The following TENM2 variants were observed in gnomAD, a reference collection of about 807,000 sequenced individuals.
TENM2 encodes the protein teneurin-2.
In TENM2, 52 loss-of-function variants were observed where a neutral mutation model predicts 245.2. The observed-to-expected ratio is 0.21, with a 90% CI of 0.17 to 0.27. The LOEUF (loss-of-function observed/expected upper bound fraction) is 0.27, where lower values mean the gene tolerates loss of function less well. TENM2 is among the 10% of genes least tolerant of loss of function. The pLI, the probability that TENM2 is intolerant of heterozygous loss-of-function variation, is 1.00. For synonymous variants in TENM2, 1,363 were observed against 1,438.9 expected, an observed-to-expected ratio of 0.95 and a Z score of 1.19; for missense variants, 3,046 against 3,666.8, an observed-to-expected ratio of 0.83 and a Z score of 4.37.
Position 167,993,230 on chromosome 5 carries a change from G to T in TENM2, c.1186+48G>T. On this transcript the variant is annotated intron_variant, in intron 5 of 28. Coordinates refer to ENST00000518659, the Ensembl canonical transcript of TENM2. ...AGCAACGCTGGGGATGACAACATGA[G>T]GGGAGAGGCCATGGACTTGTGAATC... The T allele has an allele frequency of 2.0e-6, 3 of 1,483,568 alleles. No homozygotes were observed. The South Asian group carries it at 3.5e-5, about 17-fold the overall frequency. 91.9% of individuals were successfully genotyped at this position (1,483,568 alleles called of 1,614,324 possible).
Position 168,038,703 on chromosome 5 carries a change from G to A in TENM2, c.1187-8724G>A, listed in dbSNP as rs560623664. Among the ~76,000 whole-genome samples the A allele has an allele frequency of 2.0e-5, 3 of 152,316 alleles. No homozygotes were observed. The East Asian group carries it at 5.8e-4, about 29-fold the overall frequency. ...ATAGTTGTGCAGAAATGTGAACCCT[G>A]ATTGACATGAACCTGGCATATATAT... On this transcript the variant is annotated intron_variant, in intron 5 of 28. Coordinates refer to ENST00000518659, the Ensembl canonical transcript of TENM2.
exon 16 of TENM2, chr5:168,198,958 C>T (rs539163646): frequency 2.5e-5 from 41 of 1,614,036 alleles, no homozygotes; most frequent in Middle Eastern, 1.6e-4. Flanking sequence ...ACAGCTTTTA[C>T]GCCATGGACA....
At chr5:167,963,766 ATCT>A (rs1166854019) in intron 4 of TENM2, among the ~76,000 whole-genome samples, 1 of 150,928 alleles carries the variant, frequency 6.6e-6, no homozygotes, top group Admixed American at 6.6e-5. Context: ...AGCATGTTAG[ATCT>A]TCTCTGAACT....
At chr5:167,189,711 G>A in the TENM2 span, among the ~76,000 whole-genome samples, 1 of 152,016 alleles carries the variant, frequency 6.6e-6, no homozygotes, top group East Asian at 1.9e-4. Flanking sequence ...TATGATTATA[G>A]GTGCCAGCCA....
exon 12 of TENM2, chr5:168,126,813 G>A: frequency 6.2e-7 from 1 of 1,613,498 alleles, no homozygotes; most frequent in South Asian, 1.1e-5. Context: ...CTGCCGCTGT[G>A]AAGAGGGCTG....
exon 7 of TENM2, chr5:168,062,107 G>A: frequency 1.2e-6 from 2 of 1,612,782 alleles, no homozygotes; most frequent in Non-Finnish European, 1.7e-6. Context: ...TGAAGCAGAA[G>A]TTGGTCGGCG....
At chr5:167,482,101 C>G (rs964959322) in intron 2 of TENM2, among the ~76,000 whole-genome samples, 1 of 152,132 alleles carries the variant, frequency 6.6e-6, no homozygotes, top group Non-Finnish European at 1.5e-5. Flanking sequence ...TTACAAAAGT[C>G]ATATGTACAA....
the TENM2 span, among the ~76,000 whole-genome samples, chr5:167,070,284 AT>A: frequency 1.7e-3 from 166 of 99,346 alleles, no homozygotes; most frequent in Middle Eastern, 0.012. Context: ...CGCCCGGCTA[AT>A]TTTTTTTTTT....
At chr5:168,201,349 T>C (rs1163497483) in intron 17 of TENM2, among the ~76,000 whole-genome samples, 1 of 151,928 alleles carries the variant, frequency 6.6e-6, no homozygotes, top group African/African-American at 2.4e-5. Flanking sequence ...TGCACATATA[T>C]ATACATATAC....
At chr5:167,173,835 A>T in the TENM2 span, among the ~76,000 whole-genome samples, 2 of 152,038 alleles carry the variant, frequency 1.3e-5, no homozygotes, top group African/African-American at 4.8e-5. Flanking sequence ...TAATATCGCA[A>T]TGGGAGGTTT....
chr5:167,098,462 C>T, the TENM2 span, among the ~76,000 whole-genome samples: 1 of 152,186 alleles, frequency 6.6e-6, no homozygotes, highest in Non-Finnish European at 1.5e-5. Flanking sequence ...AGATTTGGGT[C>T]CTACACCCTG....
At chr5:167,077,577 C>T in the TENM2 span, among the ~76,000 whole-genome samples, 1 of 152,112 alleles carries the variant, frequency 6.6e-6, no homozygotes, top group Non-Finnish European at 1.5e-5. Flanking sequence ...AGAATATGAT[C>T]GGATAAGCCA....
the TENM2 span, among the ~76,000 whole-genome samples, chr5:167,144,036 A>G: frequency 6.6e-6 from 1 of 152,164 alleles, no homozygotes; most frequent in African/African-American, 2.4e-5. Flanking sequence ...GCTGTGCTGT[A>G]TTCACATTGA....
rs377371905 is a variant in TENM2, at chr5:168,051,077, T to C, written c.1309+3528T>C. 1.6e-4 allele frequency among the ~76,000 whole-genome samples: 25 copies of C among 152,336 alleles called. No homozygotes were observed. In the South Asian group the frequency reaches 3.1e-3, roughly 19 times the overall value. On this transcript the variant is annotated intron_variant, in intron 6 of 28. Transcript: ENST00000518659. ...AATACAGTATTCTGACCTGGTCAGA[T>C]AACATAAGGGAATTCAGTTTGATTG...
At chr5:167,877,541 G>T (rs536566398) in intron 3 of TENM2, among the ~76,000 whole-genome samples, 1 of 152,288 alleles carries the variant, frequency 6.6e-6, no homozygotes, top group African/African-American at 2.4e-5. Flanking sequence ...CTCTTAAAAT[G>T]ACATTACATC....
intron 1 of TENM2, among the ~76,000 whole-genome samples, chr5:167,328,444 G>A (rs761113622): frequency 6.6e-6 from 1 of 151,990 alleles, no homozygotes; most frequent in Non-Finnish European, 1.5e-5. Context: ...ATCTACCCGC[G>A]TTGGCCTCCC....
chr5:167,997,027 C>T (rs1057220287), intron 5 of TENM2, among the ~76,000 whole-genome samples: 2 of 152,166 alleles, frequency 1.3e-5, no homozygotes, highest in Non-Finnish European at 2.9e-5. Flanking sequence ...CCATGAGCCA[C>T]CACACCCAGC....
At position 168,195,317 on chromosome 5, in the gene TENM2, G is replaced by A. The variant is rs145980092; in HGVS notation, c.2900+22G>A. On this transcript the variant is annotated intron_variant, in intron 15 of 28. Coordinates refer to ENST00000518659, the Ensembl canonical transcript of TENM2. Reference sequence around the variant, plus strand: ...GCACGTGAGTAGCTTTGTGGGGCTCGGACCTACTCAGGACCACACGTGTGT... The same window carrying A: ...GCACGTGAGTAGCTTTGTGGGGCTCAGACCTACTCAGGACCACACGTGTGT... The A allele has an allele frequency of 7.5e-4, 1,168 of 1,564,466 alleles. 8 individuals are homozygous for A. In the African/African-American group the frequency reaches 0.013, roughly 17 times the overall value.
At chr5:167,107,308 AAGAG>A in the TENM2 span, among the ~76,000 whole-genome samples, 6 of 151,284 alleles carry the variant, frequency 4.0e-5, no homozygotes, top group Middle Eastern at 3.4e-3. Flanking sequence ...AAGAAAAAGA[AAGAG>A]AGAAAGAAAG....
Sources: allele counts gnomAD v4.1 joint callset (sites outside exome capture counted in the v4.1 genomes callset), GRCh38; gene constraint gnomAD v4.1.1; transcripts MANE v1.5; gene names NCBI Gene and HGNC (gene_info 2026-07-23, HGNC 2026-07-21).